DNAH5: variants seen among roughly 807,000 people sequenced by gnomAD.
DNAH5 encodes dynein axonemal heavy chain 5, also known as axonemal beta dynein heavy chain 5.
A neutral mutation model predicts 518.2 loss-of-function variants in DNAH5; 372 were observed. The ratio of observed to expected loss-of-function variants is 0.72; its 90% confidence interval spans 0.66 to 0.78. The LOEUF (loss-of-function observed/expected upper bound fraction) is 0.78. Ranked by LOEUF, DNAH5 falls within the 30% of genes least tolerant of loss-of-function variation. The probability of loss-of-function intolerance (pLI) is 0.00; values close to 1 mark genes in which losing one functional copy is unlikely to be tolerated. For missense variants in DNAH5, 5,523 were observed against 5,687.0 expected (o/e 0.97, Z 0.93); for synonymous variants, 2,039 against 2,025.9 (o/e 1.01, Z -0.17).
Position 13,741,071 on chromosome 5 carries a change from A to G in DNAH5, c.11212-3576T>C, listed in dbSNP as rs140612312. On this transcript the variant is annotated intron_variant, in intron 65 of 78. Transcript: ENST00000265104. ...TCTCTTTTCAAATTGATAAACTGAA[A>G]CACACAGTGAACTGGAAAATCTAGT... 8.8e-3 allele frequency among the ~76,000 whole-genome samples: 1,339 copies of G among 152,316 alleles called. 14 individuals are homozygous for G. Among genetic ancestry groups the G allele is most frequent in the Middle Eastern group, 0.031 (9 of 294 alleles).
At chr5:13,900,498 A>C (rs1774461204) in intron 14 of DNAH5, 86 bp from the exon 15 acceptor site, 2 of 1,123,148 alleles carry the variant, frequency 1.8e-6, no homozygotes, top group African/African-American at 1.5e-5. Flanking sequence ...AATAAGGATC[A>C]TTAAATGTTC....
At position 13,792,095 on chromosome 5, in the gene DNAH5, G is replaced by A; in HGVS notation, c.8347C>T (p.Pro2783Ser). ...LWQMTKIKML[P>S]TPAKFHYVFN... ...ACATAATGGAATTTTGCAGGGGTAGGAAGCATTTTAATCTTGGTCATCTGC... is the reference window on the plus strand; with the variant it reads ...ACATAATGGAATTTTGCAGGGGTAGAAAGCATTTTAATCTTGGTCATCTGC... Residue 2783 changes from proline (P) to serine (S), a missense_variant, in exon 50 of 79, where the codon CCT becomes TCT. Pro to Ser is a moderately conservative substitution (Grantham distance 74, BLOSUM62 -1). Transcript: ENST00000265104. The A allele has an allele frequency of 1.9e-6, 3 of 1,614,016 alleles. No individual in the cohort carries two copies. Among genetic ancestry groups the A allele is most frequent in the Non-Finnish European group, 2.5e-6 (3 of 1,179,972 alleles).
chr5:13,823,818 C>A (rs1762544353), intron 39 of DNAH5, among the ~76,000 whole-genome samples: 3 of 152,212 alleles, frequency 2.0e-5, no homozygotes, highest in Admixed American at 1.3e-4. Context: ...GATTATCAGT[C>A]TCTATCGTGA....
chr5:13,835,957 A>G (rs1764328274), intron 35 of DNAH5, among the ~76,000 whole-genome samples: 2 of 152,274 alleles, frequency 1.3e-5, no homozygotes, highest in South Asian at 4.1e-4. Flanking sequence ...AGGAACCTGA[A>G]AGCACTGCTG....
At chr5:13,911,581 A>C in intron 11 of DNAH5, 88 bp from the exon 12 acceptor site, 1 of 1,025,760 alleles carries the variant, frequency 9.7e-7, no homozygotes, top group South Asian at 1.4e-5. Flanking sequence ...AGCCTATACA[A>C]TAATTGCCAG....
At chr5:13,726,893 G>A (rs1010725824) in intron 70 of DNAH5, among the ~76,000 whole-genome samples, 1 of 152,192 alleles carries the variant, frequency 6.6e-6, no homozygotes, top group African/African-American at 2.4e-5. Context: ...TCATCATAAA[G>A]GCAAGACACA....
chr5:13,728,307 C>A (rs1216898215), intron 69 of DNAH5, among the ~76,000 whole-genome samples: 1 of 152,092 alleles, frequency 6.6e-6, no homozygotes, highest in African/African-American at 2.4e-5. Flanking sequence ...AAACACTGAA[C>A]AAACAAATAA....
intron 12 of DNAH5, among the ~76,000 whole-genome samples, chr5:13,903,109 C>T (rs1220782680): frequency 6.6e-6 from 1 of 151,862 alleles, no homozygotes; most frequent in African/African-American, 2.4e-5. Context: ...AAAGAAGAAA[C>T]AGAAATCATA....
At chr5:13,702,514 A>G (rs1742245508) in intron 76 of DNAH5, among the ~76,000 whole-genome samples, 1 of 152,174 alleles carries the variant, frequency 6.6e-6, no homozygotes, top group African/African-American at 2.4e-5. Flanking sequence ...CCTGTTCCAG[A>G]GCCTCCTGGG....
intron 1 of DNAH5, among the ~76,000 whole-genome samples, chr5:13,939,839 A>C (rs757684793): frequency 3.3e-5 from 5 of 152,148 alleles, no homozygotes; most frequent in Non-Finnish European, 7.4e-5. Context: ...TGGTTTCGGG[A>C]AAGAAAAGAG....
intron 3 of DNAH5, 29 bp from the exon 4 acceptor site, chr5:13,923,469 C>T: frequency 1.9e-6 from 3 of 1,613,420 alleles, no homozygotes; most frequent in Non-Finnish European, 2.5e-6. Context: ...TTTAGTTTCA[C>T]AAATGCTTTT....
Position 13,862,661 on chromosome 5 carries a change from G to A in DNAH5, c.4683C>T (p.Thr1561=), listed in dbSNP as rs1768626241. 6.2e-7 allele frequency: 1 copy of A among 1,613,884 alleles called. No homozygotes were observed. Among genetic ancestry groups the A allele is most frequent in the Non-Finnish European group, 8.5e-7 (1 of 1,179,926 alleles). ...VINEWDNKTF[T]FGSFKTRGEL... is the part of the protein sequence containing the mutation. ...CTCCACGGGTTTTAAAGCTGCCGAA[G>A]GTGAATGTTTTATTGTCCCATTCAT... Residue 1561 remains threonine (T), a synonymous_variant, in exon 29 of 79, where the codon ACC becomes ACT. Coordinates refer to ENST00000265104, the MANE Select transcript of DNAH5 (RefSeq NM_001369.3).
In DNAH5 at chr5:13,792,056, C is replaced by A; in HGVS notation, c.8386G>T (p.Asp2796Tyr). The change falls in exon 50 of 79, where the codon GAT becomes TAT. Residue 2796 changes from aspartate (D) to tyrosine (Y), a missense_variant. Transcript: ENST00000265104. ...ATTCCCTGCCAGACCCGAGAAAGAT[C>A]TCGTAGGTTAAACACATAATGGAAT... The part of the protein sequence containing the change: ...AKFHYVFNLR[D>Y]LSRVWQGMLN... The A allele has an allele frequency of 6.2e-7, 1 of 1,614,036 alleles. No individual in the cohort carries two copies. The highest frequency in any genetic ancestry group is 8.5e-7 in the Non-Finnish European group (1 of 1,179,994).
chr5:13,739,680 C>T (rs1748136360), intron 65 of DNAH5, among the ~76,000 whole-genome samples: 1 of 152,050 alleles, frequency 6.6e-6, no homozygotes, highest in Non-Finnish European at 1.5e-5. Context: ...ATTAATTACA[C>T]AATTTACCTT....
At chr5:13,836,088 G>A (rs547520381) in intron 35 of DNAH5, among the ~76,000 whole-genome samples, 2 of 152,192 alleles carry the variant, frequency 1.3e-5, no homozygotes, top group Admixed American at 6.5e-5. Flanking sequence ...TCAGGGGTTC[G>A]GACATGGACA....
chr5:13,857,732 C>T (rs946813272), intron 30 of DNAH5, among the ~76,000 whole-genome samples: 3 of 151,928 alleles, frequency 2.0e-5, no homozygotes, highest in East Asian at 1.9e-4. Context: ...ATCTGATATT[C>T]GACAAACCTG....
chr5:13,817,738 T>C, intron 41 of DNAH5, 44 bp from the exon 42 acceptor site: 2 of 1,595,652 alleles, frequency 1.3e-6, no homozygotes, highest in Non-Finnish European at 1.7e-6. Flanking sequence ...AGATGGGAAG[T>C]GAACCATCAT....
At chr5:13,769,197 G>T in intron 57 of DNAH5, 61 bp from the exon 58 acceptor site, 1 of 1,558,924 alleles carries the variant, frequency 6.4e-7, no homozygotes. Flanking sequence ...AGCTGAAAAT[G>T]CACATTTTTG....
chr5:13,821,801 A>G (rs1448498332), intron 40 of DNAH5, among the ~76,000 whole-genome samples: 1 of 152,070 alleles, frequency 6.6e-6, no homozygotes, highest in Non-Finnish European at 1.5e-5. Flanking sequence ...ATATTTTTAT[A>G]TATTTTTTAG....
Sources: gnomAD v4.1 joint callset for allele counts (sites outside exome capture counted in the v4.1 genomes callset) on GRCh38, gnomAD v4.1.1 for gene constraint, MANE v1.5 for transcripts, NCBI Gene and HGNC (gene_info 2026-07-23, HGNC 2026-07-21) for gene names.